NT5DC1: variants seen among roughly 807,000 people sequenced by gnomAD.
NT5DC1 encodes 5'-nucleotidase domain-containing protein 1.
NT5DC1 carries 42 observed loss-of-function variants against 59.4 expected under a neutral mutation model. That is an observed-to-expected ratio of 0.71 (90% CI 0.55 to 0.92). The LOEUF is 0.92. Among genes scored for constraint, NT5DC1 ranks in the 40% least tolerant of loss-of-function variants. The pLI is 0.00. For synonymous variants in NT5DC1, 172 were observed against 188.1 expected, an observed-to-expected ratio of 0.91 and a Z score of 0.70; for missense variants, 501 against 537.1, an observed-to-expected ratio of 0.93 and a Z score of 0.66.
intron 6 of NT5DC1, among the ~76,000 whole-genome samples, chr6:116,189,894 A>G (rs1408615501): frequency 6.6e-6 from 1 of 152,026 alleles, no homozygotes; most frequent in Non-Finnish European, 1.5e-5. Context: ...ATACTATGCT[A>G]TATGTATGTT....
chr6:116,165,994 C>T (rs1443451450), intron 6 of NT5DC1, among the ~76,000 whole-genome samples: 3 of 152,196 alleles, frequency 2.0e-5, no homozygotes, highest in Non-Finnish European at 4.4e-5. Flanking sequence ...CCACTCTGTG[C>T]TCTGTCCCCA....
At chr6:116,114,336 C>T (rs1778926375) in intron 4 of NT5DC1, among the ~76,000 whole-genome samples, 1 of 152,104 alleles carries the variant, frequency 6.6e-6, no homozygotes, top group Non-Finnish European at 1.5e-5. Flanking sequence ...ACCCTGGCTT[C>T]TGCATATGGT....
chr6:116,138,945 A>G (rs1306023591), intron 6 of NT5DC1, among the ~76,000 whole-genome samples: 1 of 152,142 alleles, frequency 6.6e-6, no homozygotes, highest in African/African-American at 2.4e-5. Flanking sequence ...TAATTGCATT[A>G]TTAGTTTTGT....
In NT5DC1 at chr6:116,246,788, TATG is replaced by T. The variant is rs1771857122; in HGVS notation, c.*2765_*2767del. On this transcript the variant is annotated 3_prime_UTR_variant, in exon 12 of 12. Coordinates refer to ENST00000319550, the MANE Select transcript of NT5DC1 (RefSeq NM_152729.3). ...AGGGCATACCAAGTAATTCACCCAG[TATG>T]GTCTTATTGCCACCCTTGAAAATCC... 6.6e-6 allele frequency: 1 copy of T among 152,194 alleles called. No homozygotes were observed. Among genetic ancestry groups the T allele is most frequent in the South Asian group, 2.1e-4 (1 of 4,832 alleles). 9.4% of individuals were successfully genotyped at this position (152,194 alleles called of 1,614,324 possible). A position where few individuals can be genotyped will look rare whatever the true frequency, so the allele number is the denominator to read the frequency against.
At chr6:116,119,660 A>G (rs986331490) in intron 6 of NT5DC1, 4 of 178,538 alleles carry the variant, frequency 2.2e-5, no homozygotes, top group Non-Finnish European at 3.5e-5. Flanking sequence ...AAGTTCTCAT[A>G]TTCATAGTTA....
At chr6:116,182,341 A>G (rs1255419697) in intron 6 of NT5DC1, among the ~76,000 whole-genome samples, 1 of 151,984 alleles carries the variant, frequency 6.6e-6, no homozygotes, top group African/African-American at 2.4e-5. Flanking sequence ...TTGTGCTGCT[A>G]TAAATGTGTG....
At position 116,121,735 on chromosome 6, in the gene NT5DC1, T is replaced by A. The variant is rs139239316; in HGVS notation, c.529+3790T>A. On this transcript the variant is annotated intron_variant, in intron 6 of 11. Coordinates refer to ENST00000319550, the MANE Select transcript of NT5DC1 (RefSeq NM_152729.3). ...CTGGTAGGCCAGCTGGTCCAACATC[T>A]CCTTTTGGTCCATATGGTCCTCTCT... 3.1e-6 allele frequency: 5 copies of A among 1,613,716 alleles called. No individual in the cohort carries two copies. Among genetic ancestry groups the A allele is most frequent in the Non-Finnish European group, 4.2e-6 (5 of 1,179,972 alleles).
Position 116,223,077 on chromosome 6 carries a change from T to C in NT5DC1, c.748T>C (p.Leu250=), listed in dbSNP as rs1353186035. 6.2e-7 allele frequency: 1 copy of C among 1,608,816 alleles called. No homozygotes were observed. Among genetic ancestry groups the C allele is most frequent in the African/African-American group, 1.3e-5 (1 of 74,912 alleles). Residue 250 remains leucine (L), a synonymous_variant, in exon 8 of 12, where the codon TTG becomes CTG. Coordinates refer to ENST00000319550, the MANE Select transcript of NT5DC1 (RefSeq NM_152729.3). ...DLFDIVITNA[L]KPGFFSHLPS... ...TTTTGACATTGTGATTACAAATGCA[T>C]TGAAGCCTGGTTTCTTCTCCCACTT... is the stretch of plus-strand genomic sequence containing the variant.
At chr6:116,113,489 T>C (rs1778916325) in intron 4 of NT5DC1, among the ~76,000 whole-genome samples, 2 of 152,242 alleles carry the variant, frequency 1.3e-5, no homozygotes, top group African/African-American at 4.8e-5. Context: ...ATGAGCTGTC[T>C]CTTCTATACA....
chr6:116,167,282 A>G (rs1356165677), intron 6 of NT5DC1, among the ~76,000 whole-genome samples: 1 of 136,442 alleles, frequency 7.3e-6, no homozygotes, highest in Non-Finnish European at 1.5e-5. Flanking sequence ...GCACAATCTC[A>G]GCTCACTGCA....
At chr6:116,110,993 C>A in intron 4 of NT5DC1, 37 bp downstream of exon 4, 1 of 1,378,904 alleles carries the variant, frequency 7.3e-7, no homozygotes, top group Non-Finnish European at 1.0e-6. Flanking sequence ...CATCCGCTCC[C>A]TGTTTGTTTT....
At chr6:116,211,026 T>G (rs1781567088) in intron 6 of NT5DC1, among the ~76,000 whole-genome samples, 1 of 152,052 alleles carries the variant, frequency 6.6e-6, no homozygotes, top group South Asian at 2.1e-4. Flanking sequence ...GAAGTGCTAC[T>G]GTAAAATTCC....
At chr6:116,195,374 A>T (rs544104540) in intron 6 of NT5DC1, among the ~76,000 whole-genome samples, 40 of 152,146 alleles carry the variant, frequency 2.6e-4, no homozygotes, top group African/African-American at 9.6e-4. Flanking sequence ...GTATTTTTCT[A>T]TTAAGTTTAC....
chr6:116,178,084 T>TGC (rs1780782600), intron 6 of NT5DC1, among the ~76,000 whole-genome samples: 2 of 91,882 alleles, frequency 2.2e-5, no homozygotes, highest in African/African-American at 1.1e-4. Context: ...TGTGTGTGTG[T>TGC]GTGTGCGCGC....
intron 6 of NT5DC1, among the ~76,000 whole-genome samples, chr6:116,128,513 T>C (rs907310937): frequency 2.6e-5 from 4 of 152,178 alleles, no homozygotes; most frequent in African/African-American, 9.7e-5. Context: ...ATATGAATAA[T>C]GATTTTTTTC....
rs1388233252 is a variant in NT5DC1, at chr6:116,221,194, G to T, written c.670G>T (p.Asp224Tyr). 1.3e-6 allele frequency: 2 copies of T among 1,598,002 alleles called. No homozygotes were observed. The highest frequency in any genetic ancestry group is 1.7e-6 in the Non-Finnish European group (2 of 1,166,156). Residue 224 changes from aspartate (D) to tyrosine (Y), a missense_variant, in exon 7 of 12, where the codon GAT (aspartate) becomes TAT (tyrosine). Physicochemically the swap from Asp to Tyr is radical, Grantham distance 160. Coordinates refer to ENST00000319550, the MANE Select transcript of NT5DC1 (RefSeq NM_152729.3). ...ILLLITSSHSDYCRLLCEYIL... is the reference protein window; with the variant it reads ...ILLLITSSHSYYCRLLCEYIL... ...TCTGTTAATTACCAGTTCTCACAGT[G>T]ATTACTGTAGACTTCTCTGCGAATA...
rs1462669246 is a variant in NT5DC1 at position 116,221,176 on chromosome 6, A to C, written c.652A>C (p.Ile218Leu). The C allele has an allele frequency of 1.2e-6, 2 of 1,601,078 alleles. No individual in the cohort carries two copies. The highest frequency in any genetic ancestry group is 2.7e-5 in the African/African-American group (2 of 74,746). ...LKNAGKILLL[I>L]TSSHSDYCRL... is the part of the protein sequence containing the mutation. The stretch of plus-strand genomic sequence containing the variant: ...GAATGCTGGGAAAATTCTTCTGTTA[A>C]TTACCAGTTCTCACAGTGATTACTG... The change falls in exon 7 of 12, where the codon ATT (isoleucine) becomes CTT (leucine). Residue 218 changes from isoleucine to leucine, a missense_variant. Transcript: ENST00000319550.
intron 6 of NT5DC1, among the ~76,000 whole-genome samples, chr6:116,219,961 C>CAAAA (rs1170500016): frequency 3.9e-4 from 14 of 36,194 alleles, no homozygotes; most frequent in Non-Finnish European, 5.2e-4. Flanking sequence ...GACTCTGTCT[C>CAAAA]AAAAAAAAAA....
rs1771794606 is a variant in NT5DC1, at chr6:116,244,249, A to T, written c.*225A>T. ...AGAACCTTATTGATATTTTCTATAC[A>T]GTAGTTTTGTGATTAGAATTCACCT... On this transcript the variant is annotated 3_prime_UTR_variant, in exon 12 of 12. Coordinates refer to ENST00000319550, the MANE Select transcript of NT5DC1 (RefSeq NM_152729.3). 1 of 320,206 alleles carries T rather than the reference A, an allele frequency of 3.1e-6. No individual in the cohort carries two copies. The highest frequency in any genetic ancestry group is 4.6e-5 in the Admixed American group (1 of 21,918). The allele number at this position is 320,206 out of a possible 1,614,324, so 19.8% of individuals were successfully genotyped here.
Sources: allele counts gnomAD v4.1 joint callset (sites outside exome capture counted in the v4.1 genomes callset), GRCh38; gene constraint gnomAD v4.1.1; transcripts MANE v1.5; gene names NCBI Gene and HGNC (gene_info 2026-07-23, HGNC 2026-07-21).